LDAH: variants seen among roughly 807,000 people sequenced by gnomAD.
The protein encoded by LDAH is lipid droplet associated hydrolase.
LDAH carries 26 observed loss-of-function variants against 29.6 expected under a neutral mutation model. The ratio of observed to expected loss-of-function variants is 0.88; its 90% CI spans 0.64 to 1.22. LDAH has a LOEUF of 1.22. LDAH is among the 50% of genes most tolerant of loss of function. The probability of loss-of-function intolerance (pLI) is 0.00; values close to 1 mark genes in which losing one functional copy is unlikely to be tolerated. For missense variants in LDAH, 344 were observed against 387.3 expected (o/e 0.89, Z 0.94); for synonymous variants, 117 against 133.0 (o/e 0.88, Z 0.83).
At chr2:20,719,212 T>G (rs373356682) in intron 5 of LDAH, among the ~76,000 whole-genome samples, 1 of 118,340 alleles carries the variant, frequency 8.5e-6, no homozygotes. Context: ...AAAAGATCAA[T>G]AAAATGAAAA....
chr2:20,710,259 G>T (rs1352377372), intron 5 of LDAH, among the ~76,000 whole-genome samples: 1 of 152,090 alleles, frequency 6.6e-6, no homozygotes, highest in Admixed American at 6.5e-5. Context: ...TGACATCTCT[G>T]CAGATTCCAG....
chr2:20,766,799 G>C (rs1669069975), intron 4 of LDAH, among the ~76,000 whole-genome samples: 2 of 152,350 alleles, frequency 1.3e-5, no homozygotes, highest in South Asian at 2.1e-4. Context: ...AGTGGCTACA[G>C]GAGCTGCAAT....
intron 1 of LDAH, among the ~76,000 whole-genome samples, chr2:20,817,215 T>C (rs1300962486): frequency 1.3e-5 from 2 of 151,642 alleles, no homozygotes; most frequent in East Asian, 3.9e-4. Context: ...TCAATGACAT[T>C]AAAAATATAA....
intron 5 of LDAH, among the ~76,000 whole-genome samples, chr2:20,727,569 AG>A (rs1666106034): frequency 6.6e-6 from 1 of 152,234 alleles, no homozygotes; most frequent in Admixed American, 6.5e-5. Flanking sequence ...GGTAACTGAA[AG>A]GAAATAAAAT....
At chr2:20,814,030 T>A (rs889195578) in intron 1 of LDAH, among the ~76,000 whole-genome samples, 1 of 152,214 alleles carries the variant, frequency 6.6e-6, no homozygotes, top group Non-Finnish European at 1.5e-5. Context: ...TCTCTACTTC[T>A]AAACCTTTAA....
At chr2:20,787,888 T>C (rs1395037117) in intron 3 of LDAH, among the ~76,000 whole-genome samples, 2 of 152,222 alleles carry the variant, frequency 1.3e-5, no homozygotes, top group East Asian at 3.8e-4. Context: ...CTGCTATTCC[T>C]AGATGCTTAC....
chr2:20,809,208 C>T (rs900492823), intron 1 of LDAH, among the ~76,000 whole-genome samples: 1 of 149,374 alleles, frequency 6.7e-6, no homozygotes, highest in African/African-American at 2.5e-5. Context: ...TGGCCAACAT[C>T]GTGAAACCCC....
chr2:20,755,025 T>C (rs1179349327), intron 4 of LDAH, among the ~76,000 whole-genome samples: 1 of 152,120 alleles, frequency 6.6e-6, no homozygotes, highest in Non-Finnish European at 1.5e-5. Context: ...TAAGAGAATA[T>C]TCTTATTCTT....
chr2:20,710,606 G>GTGTGTGTGTATATATATATATATATA (rs1467950593), intron 5 of LDAH, among the ~76,000 whole-genome samples: 1 of 131,872 alleles, frequency 7.6e-6, no homozygotes, highest in African/African-American at 2.8e-5. Context: ...GTGTGTGTGT[G>GTGTGTGTGTATATATATATATATATA]TATATATATA....
At chr2:20,821,437 T>C (rs949992788) in intron 1 of LDAH, among the ~76,000 whole-genome samples, 5 of 152,062 alleles carry the variant, frequency 3.3e-5, no homozygotes, top group Non-Finnish European at 5.9e-5. Context: ...TATGCAGCCA[T>C]AAAAAAGAAT....
intron 4 of LDAH, among the ~76,000 whole-genome samples, chr2:20,773,657 A>G (rs2125012954): frequency 6.6e-6 from 1 of 152,308 alleles, no homozygotes; most frequent in South Asian, 2.1e-4. Flanking sequence ...CCCAATAATA[A>G]TTTAAAACCT....
At chr2:20,801,059 T>G (rs978719075) in intron 2 of LDAH, among the ~76,000 whole-genome samples, 1 of 151,836 alleles carries the variant, frequency 6.6e-6, no homozygotes, top group African/African-American at 2.4e-5. Flanking sequence ...AAACTGCATA[T>G]ATAGTACATA....
chr2:20,798,836 C>A (rs2125099329), intron 2 of LDAH, among the ~76,000 whole-genome samples: 1 of 150,904 alleles, frequency 6.6e-6, no homozygotes, highest in East Asian at 2.0e-4. Flanking sequence ...GAGCCGAGAT[C>A]ACACCACTGC....
At chr2:20,745,064 C>A (rs892137168) in intron 4 of LDAH, among the ~76,000 whole-genome samples, 4 of 152,088 alleles carry the variant, frequency 2.6e-5, no homozygotes, top group African/African-American at 9.7e-5. Context: ...GGAGTGGCAA[C>A]TTCTAAGCTC....
In LDAH at chr2:20,685,718, A is replaced by C; in HGVS notation, c.*1185T>G. 236 of 1,509,270 alleles carry C rather than the reference A, an allele frequency of 1.6e-4. No individual in the cohort carries two copies. Among genetic ancestry groups the C allele is most frequent in the Non-Finnish European group, 1.9e-4 (210 of 1,126,426 alleles). 93.5% of individuals were successfully genotyped at this position (1,509,270 alleles called of 1,614,324 possible). ...ACTGTCACTGCAGTATGTGGTTCTC[A>C]AGATTGAGTCAATTTAGGGGAGGCA... On this transcript the variant is annotated 3_prime_UTR_variant, in exon 7 of 7. Transcript: ENST00000237822.
chr2:20,769,890 A>G (rs1669286575), intron 4 of LDAH, among the ~76,000 whole-genome samples: 1 of 152,202 alleles, frequency 6.6e-6, no homozygotes, highest in South Asian at 2.1e-4. Context: ...ACAGCAAATT[A>G]GTAGCAATAA....
intron 6 of LDAH, among the ~76,000 whole-genome samples, chr2:20,692,173 TG>T (rs1663084060): frequency 6.6e-6 from 1 of 152,206 alleles, no homozygotes. Context: ...GTCTCTGCCC[TG>T]GAACAGCTCA....
chr2:20,780,978 A>G (rs1414058253), intron 3 of LDAH, among the ~76,000 whole-genome samples: 1 of 151,802 alleles, frequency 6.6e-6, no homozygotes, highest in African/African-American at 2.4e-5. Context: ...TATTTGGGGG[A>G]CTGCAGTGAG....
intron 3 of LDAH, among the ~76,000 whole-genome samples, chr2:20,780,546 A>G (rs746573514): frequency 3.3e-4 from 50 of 152,222 alleles, no homozygotes; most frequent in Non-Finnish European, 7.3e-5. Context: ...AAGGTGAAGC[A>G]TAAGGTTAAA....
Sources: allele counts gnomAD v4.1 joint callset (sites outside exome capture counted in the v4.1 genomes callset), GRCh38; gene constraint gnomAD v4.1.1; transcripts MANE v1.5; gene names NCBI Gene and HGNC (gene_info 2026-07-23, HGNC 2026-07-21).